CDK14: variants seen among roughly 807,000 people sequenced by gnomAD.
The protein encoded by CDK14 is cyclin dependent kinase 14, also known as cyclin-dependent kinase 14.
In CDK14, 34 loss-of-function variants were observed where a neutral mutation model predicts 60.7. The observed-to-expected ratio is 0.56, with a 90% CI of 0.43 to 0.75. The LOEUF (loss-of-function observed/expected upper bound fraction) is 0.75, where lower values mean the gene tolerates loss of function less well. Ranked by LOEUF, CDK14 falls within the 30% of genes least tolerant of loss-of-function variation. CDK14 has a pLI of 0.00. For synonymous variants in CDK14, 197 were observed against 203.7 expected, an observed-to-expected ratio of 0.97 and a Z score of 0.28; for missense variants, 482 against 564.1, an observed-to-expected ratio of 0.85 and a Z score of 1.47.
intron 5 of CDK14, among the ~76,000 whole-genome samples, chr7:90,800,937 T>C (rs1788610342): frequency 6.6e-6 from 1 of 152,236 alleles, no homozygotes; most frequent in Non-Finnish European, 1.5e-5. Flanking sequence ...TGCCTCCATC[T>C]TCACATGGTC....
intron 6 of CDK14, among the ~76,000 whole-genome samples, chr7:90,893,920 G>A (rs1346238436): frequency 1.3e-5 from 2 of 152,150 alleles, no homozygotes; most frequent in African/African-American, 2.4e-5. Context: ...TATATAGAGA[G>A]TGGTGGCATG....
intron 5 of CDK14, among the ~76,000 whole-genome samples, chr7:90,862,739 G>A (rs1791050199): frequency 6.6e-6 from 1 of 152,054 alleles, no homozygotes; most frequent in Admixed American, 6.5e-5. Flanking sequence ...TGTATACCAA[G>A]ATAAACCATA....
At chr7:90,822,447 C>T in intron 5 of CDK14, among the ~76,000 whole-genome samples, 1 of 152,130 alleles carries the variant, frequency 6.6e-6, no homozygotes, top group East Asian at 1.9e-4. Flanking sequence ...ACTTTAGTCT[C>T]CCACACTGTG....
At position 90,971,028 on chromosome 7, in the gene CDK14, C is replaced by T. The variant is rs552059702; in HGVS notation, c.948-13120C>T. Among the ~76,000 whole-genome samples, 769 of 152,144 alleles carry T rather than the reference C, an allele frequency of 5.1e-3. 3 individuals carry two copies. Among genetic ancestry groups the T allele is most frequent in the Middle Eastern group, 0.017 (5 of 294 alleles). The stretch of plus-strand genomic sequence containing the variant: ...ATGTGCCATGTTGCGCTCATCAACT[C>T]GTCATTTAGCATTAGGTGTATCTCC... On this transcript the variant is annotated intron_variant, in intron 9 of 14. Coordinates refer to ENST00000380050, the MANE Select transcript of CDK14 (RefSeq NM_001287135.2).
In CDK14 at chr7:91,095,861, ATTATCT is replaced by A. The variant is rs577990335; in HGVS notation, c.1154+16385_1154+16390del. 1.2e-3 allele frequency among the ~76,000 whole-genome samples: 190 copies of A among 152,172 alleles called. 1 individual carries two copies. In the South Asian group the frequency reaches 0.015, roughly 12 times the overall value. On this transcript the variant is annotated intron_variant, in intron 12 of 14. Coordinates refer to ENST00000380050, the MANE Select transcript of CDK14 (RefSeq NM_001287135.2). ...GTGATTATTTTTCTACTTTCCCAAAATTATCTTTAATATTGTCACATTATTTTAATA... is the reference window on the plus strand; with the variant it reads ...GTGATTATTTTTCTACTTTCCCAAAATTAATATTGTCACATTATTTTAATA...
chr7:91,059,151 G>C (rs1410197060), intron 11 of CDK14, among the ~76,000 whole-genome samples: 3 of 152,156 alleles, frequency 2.0e-5, no homozygotes, highest in Admixed American at 2.0e-4. Context: ...GTGTGTCTAG[G>C]AATTTATCCA....
intron 14 of CDK14, among the ~76,000 whole-genome samples, chr7:91,188,274 A>G (rs1199014891): frequency 6.6e-6 from 1 of 152,174 alleles, no homozygotes; most frequent in Non-Finnish European, 1.5e-5. Context: ...TTCCTCAGAT[A>G]TGTTAACTCA....
chr7:90,984,739 A>AC (rs1290837220), intron 10 of CDK14, among the ~76,000 whole-genome samples: 3 of 152,146 alleles, frequency 2.0e-5, no homozygotes, highest in Non-Finnish European at 4.4e-5. Context: ...AGTGGGCTGT[A>AC]CCCTTGATAT....
chr7:90,672,803 C>T (rs1649328942), intron 2 of CDK14, among the ~76,000 whole-genome samples: 1 of 151,990 alleles, frequency 6.6e-6, no homozygotes, highest in African/African-American at 2.4e-5. Flanking sequence ...CAGGCCTGAG[C>T]CACCTCGCCT....
intron 6 of CDK14, among the ~76,000 whole-genome samples, chr7:90,874,148 C>A (rs1291679045): frequency 6.6e-6 from 1 of 152,058 alleles, no homozygotes; most frequent in Non-Finnish European, 1.5e-5. Flanking sequence ...AGCTGGAGCT[C>A]TTTTGTCTTC....
intron 2 of CDK14, among the ~76,000 whole-genome samples, chr7:90,622,999 A>G (rs540381329): frequency 2.5e-4 from 37 of 148,720 alleles, no homozygotes; most frequent in African/African-American, 8.4e-4. Context: ...ATTTATGACA[A>G]TTGTGTAATG....
chr7:90,968,268 G>C (rs1794816575), intron 9 of CDK14, among the ~76,000 whole-genome samples: 1 of 151,700 alleles, frequency 6.6e-6, no homozygotes, highest in African/African-American at 2.4e-5. Flanking sequence ...GATGTCATTA[G>C]AAAAAAAGAA....
chr7:90,863,670 A>ATATGTGTG, intron 6 of CDK14, among the ~76,000 whole-genome samples: 1 of 145,968 alleles, frequency 6.9e-6, no homozygotes, highest in Admixed American at 6.8e-5. Flanking sequence ...TTATTAAGAT[A>ATATGTGTG]TGTGTGTGTG....
intron 9 of CDK14, among the ~76,000 whole-genome samples, chr7:90,981,079 T>A (rs1247820943): frequency 6.6e-6 from 1 of 152,172 alleles, no homozygotes; most frequent in Admixed American, 6.5e-5. Flanking sequence ...GCAGAGAGGA[T>A]ACACTGAGTG....
intron 11 of CDK14, among the ~76,000 whole-genome samples, chr7:91,054,619 G>C (rs1403285328): frequency 6.6e-6 from 1 of 152,214 alleles, no homozygotes; most frequent in African/African-American, 2.4e-5. Context: ...CTAAAGTTGA[G>C]AGTCGGTGTT....
chr7:91,001,468 G>C (rs1795832468), intron 10 of CDK14, among the ~76,000 whole-genome samples: 1 of 152,204 alleles, frequency 6.6e-6, no homozygotes, highest in African/African-American at 2.4e-5. Context: ...TATCCACGCT[G>C]TGTTGCAGCT....
intron 2 of CDK14, among the ~76,000 whole-genome samples, chr7:90,690,128 T>C (rs1801525110): frequency 6.6e-6 from 1 of 152,206 alleles, no homozygotes; most frequent in African/African-American, 2.4e-5. Context: ...AGGCATAATT[T>C]TTGATAAAGT....
chr7:90,676,029 A>AT (rs1801192029), intron 2 of CDK14, among the ~76,000 whole-genome samples: 2 of 152,180 alleles, frequency 1.3e-5, no homozygotes, highest in Admixed American at 6.5e-5. Flanking sequence ...CATTATGTAG[A>AT]TTCATTCATT....
chr7:91,026,946 C>G (rs1435162013), intron 10 of CDK14, among the ~76,000 whole-genome samples: 1 of 152,282 alleles, frequency 6.6e-6, no homozygotes, highest in East Asian at 1.9e-4. Context: ...ACATGTTCCC[C>G]TCTTTGTTTC....
Sources: gnomAD v4.1 joint callset for allele counts (sites outside exome capture counted in the v4.1 genomes callset) on GRCh38, gnomAD v4.1.1 for gene constraint, MANE v1.5 for transcripts, NCBI Gene and HGNC (gene_info 2026-07-23, HGNC 2026-07-21) for gene names.